The following NIPAL2 variants were observed in gnomAD, a reference collection of about 807,000 sequenced individuals.
NIPAL2 encodes the protein NIPA like domain containing 2.
A neutral mutation model predicts 48.9 loss-of-function variants in NIPAL2; 43 were observed. The ratio of observed to expected loss-of-function variants is 0.88; its 90% CI spans 0.69 to 1.13. The LOEUF (loss-of-function observed/expected upper bound fraction) is 1.13, where lower values mean the gene tolerates loss of function less well. NIPAL2 is among the 50% of genes most tolerant of loss of function. The pLI is 0.00. For synonymous variants in NIPAL2, 167 were observed against 174.6 expected (o/e 0.96, Z 0.34); for missense variants, 446 against 461.4 (o/e 0.97, Z 0.31).
intron 1 of NIPAL2, among the ~76,000 whole-genome samples, chr8:98,292,432 A>G (rs932731415): frequency 6.6e-6 from 1 of 152,354 alleles, no homozygotes; most frequent in African/African-American, 2.4e-5. Flanking sequence ...GCAAAACTTG[A>G]TACAGTTTTA....
intron 1 of NIPAL2, among the ~76,000 whole-genome samples, chr8:98,264,619 G>C (rs1814589146): frequency 6.7e-6 from 1 of 150,190 alleles, no homozygotes; most frequent in African/African-American, 2.4e-5. Flanking sequence ...CCCTGCTCAA[G>C]GAAATAAAAG....
rs746572381 is a variant in NIPAL2 at position 98,192,951 on chromosome 8, C to T, written c.*27G>A. On this transcript the variant is annotated 3_prime_UTR_variant, in exon 11 of 11. Transcript: ENST00000430223. ...TTTTTAAAAAGGTGGTATCGAATAA[C>T]AGGCCAACAGCCATCCTTCTCAGCA... The T allele has an allele frequency of 6.9e-7, 1 of 1,443,370 alleles. No homozygotes were observed. The highest frequency in any genetic ancestry group is 1.7e-5 in the Admixed American group (1 of 58,954). 89.4% of individuals were successfully genotyped at this position (1,443,370 alleles called of 1,614,324 possible).
At chr8:98,219,626 A>G (rs1488248286) in intron 5 of NIPAL2, among the ~76,000 whole-genome samples, 1 of 152,138 alleles carries the variant, frequency 6.6e-6, no homozygotes, top group Non-Finnish European at 1.5e-5. Flanking sequence ...CCTGTTGGGA[A>G]TGTAAATACT....
At chr8:98,245,695 T>C (rs1048667645) in intron 3 of NIPAL2, among the ~76,000 whole-genome samples, 3 of 152,220 alleles carry the variant, frequency 2.0e-5, no homozygotes, top group African/African-American at 7.2e-5. Flanking sequence ...TGTTACTTCA[T>C]CATTAGCAGC....
intron 4 of NIPAL2, among the ~76,000 whole-genome samples, chr8:98,230,083 C>A (rs955713358): frequency 1.3e-5 from 2 of 152,112 alleles, no homozygotes; most frequent in African/African-American, 4.8e-5. Flanking sequence ...GGGATTGGAA[C>A]CTAGGTAGTC....
intron 4 of NIPAL2, among the ~76,000 whole-genome samples, chr8:98,226,726 G>A (rs1812196670): frequency 6.6e-6 from 1 of 152,184 alleles, no homozygotes; most frequent in African/African-American, 2.4e-5. Context: ...AGCCAGCACA[G>A]CACTGGGTCT....
intron 1 of NIPAL2, among the ~76,000 whole-genome samples, chr8:98,278,128 GT>G (rs1242600242): frequency 6.6e-6 from 1 of 152,090 alleles, no homozygotes; most frequent in Admixed American, 6.5e-5. Flanking sequence ...CCTTATTGTT[GT>G]TGTTGATAAG....
intron 6 of NIPAL2, among the ~76,000 whole-genome samples, chr8:98,206,451 G>C (rs1811042928): frequency 6.6e-6 from 1 of 151,972 alleles, no homozygotes; most frequent in African/African-American, 2.4e-5. Flanking sequence ...AACTTGAAGG[G>C]TACTAGGGCA....
rs570881157 is a variant in NIPAL2, at chr8:98,233,882, C to T, written c.436+2273G>A. Among the ~76,000 whole-genome samples, 73 of 152,246 alleles carry T rather than the reference C, an allele frequency of 4.8e-4. 1 individual carries two copies. The South Asian group carries it at 0.014, about 29-fold the overall frequency. ...TTCTCATGTTATTCCCTCTGTATGT[C>T]CTCCTCCAAATTATTGGATGTAGCC... On this transcript the variant is annotated intron_variant, in intron 4 of 10. Coordinates refer to ENST00000430223, the MANE Select transcript of NIPAL2 (RefSeq NM_001321635.2).
chr8:98,249,736 T>TTATATTATTTAA (rs1375565927), intron 3 of NIPAL2, among the ~76,000 whole-genome samples: 5 of 147,320 alleles, frequency 3.4e-5, no homozygotes, highest in African/African-American at 1.2e-4. Flanking sequence ...AAAATTATAT[T>TTATATTATTTAA]TACATTATTT....
In NIPAL2 at chr8:98,294,188, C is replaced by T. The variant is rs1816651664; in HGVS notation, c.-51G>A. On this transcript the variant is annotated 5_prime_UTR_variant, in exon 1 of 11. Coordinates refer to ENST00000430223, the MANE Select transcript of NIPAL2 (RefSeq NM_001321635.2). ...TCCGGCTCGGGCTGCGGCCGCCTCC[C>T]CGCCCTGTTGCACCGCGAGGAGGCC... 1 of 1,291,938 alleles carries T rather than the reference C, an allele frequency of 7.7e-7. No individual in the cohort carries two copies. Among genetic ancestry groups the T allele is most frequent in the Non-Finnish European group, 9.8e-7 (1 of 1,021,744 alleles). 80.0% of individuals were successfully genotyped at this position (1,291,938 alleles called of 1,614,324 possible).
chr8:98,227,571 G>C (rs1046274484), intron 4 of NIPAL2, among the ~76,000 whole-genome samples: 1 of 152,184 alleles, frequency 6.6e-6, no homozygotes, highest in Admixed American at 6.5e-5. Flanking sequence ...GCCTGGAATG[G>C]GGGCCTCAGG....
Position 98,272,761 on chromosome 8 carries a change from C to T in NIPAL2, c.136-18674G>A, listed in dbSNP as rs189595178. Among the ~76,000 whole-genome samples the T allele has an allele frequency of 2.5e-4, 38 of 152,036 alleles. No individual in the cohort carries two copies. The East Asian group carries it at 5.6e-3, about 22-fold the overall frequency. ...TCCCGAGTAACTGTGACTACAGACG[C>T]GTGGCACAATGCCTGGCTAATTTTT... On this transcript the variant is annotated intron_variant, in intron 1 of 10. Transcript: ENST00000430223.
At chr8:98,261,808 C>G (rs1384174971) in intron 1 of NIPAL2, among the ~76,000 whole-genome samples, 4 of 149,028 alleles carry the variant, frequency 2.7e-5, no homozygotes, top group Non-Finnish European at 5.9e-5. Flanking sequence ...AGAAGAGCAA[C>G]TCCAAGAAAC....
intron 8 of NIPAL2, among the ~76,000 whole-genome samples, chr8:98,200,256 C>G (rs1810739116): frequency 6.6e-6 from 1 of 152,176 alleles, no homozygotes; most frequent in Admixed American, 6.5e-5. Context: ...AGAACTTTTT[C>G]ATCTTGCAAA....
At position 98,201,801 on chromosome 8, in the gene NIPAL2, T is replaced by G. The variant is rs550263103; in HGVS notation, c.880+1307A>C. Among the ~76,000 whole-genome samples the G allele has an allele frequency of 1.5e-4, 23 of 152,346 alleles. No homozygotes were observed. In the South Asian group the frequency reaches 4.8e-3, roughly 32 times the overall value. The stretch of plus-strand genomic sequence containing the variant: ...GATGTCATGGGATAGAATATTTTCT[T>G]TAAATATTAAGTTTCAATTTTGGGA... On this transcript the variant is annotated intron_variant, in intron 8 of 10. Coordinates refer to ENST00000430223, the MANE Select transcript of NIPAL2 (RefSeq NM_001321635.2).
chr8:98,283,850 G>T (rs1815999082), intron 1 of NIPAL2, among the ~76,000 whole-genome samples: 4 of 152,138 alleles, frequency 2.6e-5, no homozygotes, highest in Admixed American at 2.0e-4. Context: ...GTGAGTTTCT[G>T]CCTTGATATG....
intron 5 of NIPAL2, among the ~76,000 whole-genome samples, chr8:98,215,505 C>T (rs1032197636): frequency 7.2e-5 from 11 of 152,186 alleles, no homozygotes; most frequent in Non-Finnish European, 1.3e-4. Flanking sequence ...GTGTGTCCCC[C>T]ATACCCTGTG....
At chr8:98,238,075 C>T (rs1294913799) in intron 3 of NIPAL2, among the ~76,000 whole-genome samples, 1 of 152,220 alleles carries the variant, frequency 6.6e-6, no homozygotes, top group Admixed American at 6.5e-5. Flanking sequence ...GGACTCTCTC[C>T]CTCACAGTCG....
Sources: gnomAD v4.1 joint callset for allele counts (sites outside exome capture counted in the v4.1 genomes callset) on GRCh38, gnomAD v4.1.1 for gene constraint, MANE v1.5 for transcripts, NCBI Gene and HGNC (gene_info 2026-07-23, HGNC 2026-07-21) for gene names.